Variants in EPHA3 observed in about 807,000 individuals in gnomAD.
The protein encoded by EPHA3 is ephrin type-A receptor 3.
A neutral mutation model predicts 107.1 loss-of-function variants in EPHA3; 42 were observed. That is an observed-to-expected ratio of 0.39 (90% CI 0.31 to 0.51). EPHA3 has a LOEUF of 0.51. EPHA3 is among the 20% of genes least tolerant of loss of function. The pLI is 0.78. For missense variants in EPHA3, 1,183 were observed against 1,211.2 expected (o/e 0.98, Z 0.35); for synonymous variants, 461 against 424.8 (o/e 1.09, Z -1.05).
At chr3:89,364,160 C>T (rs888273261) in intron 5 of EPHA3, among the ~76,000 whole-genome samples, 12 of 150,784 alleles carry the variant, frequency 8.0e-5, no homozygotes, top group African/African-American at 1.9e-4. Context: ...TTCCCTTTAC[C>T]GACCTTTGAG....
At chr3:89,354,019 AAG>A (rs1707890967) in intron 5 of EPHA3, among the ~76,000 whole-genome samples, 1 of 151,420 alleles carries the variant, frequency 6.6e-6, no homozygotes, top group African/African-American at 2.4e-5. Context: ...GTGTTAACTA[AAG>A]CACATGGAAA....
In EPHA3 at chr3:89,341,088, C is replaced by A; in HGVS notation, c.970+17C>A. On this transcript the variant is annotated intron_variant, in intron 4 of 16. Coordinates refer to ENST00000336596, the MANE Select transcript of EPHA3 (RefSeq NM_005233.6). ...CTTGTACCCGTGAGTAGTTTTGCTGCAACCCATGCCTCCATGTTTGTTTTG... is the reference window on the plus strand; with the variant it reads ...CTTGTACCCGTGAGTAGTTTTGCTGAAACCCATGCCTCCATGTTTGTTTTG... 6.2e-7 allele frequency: 1 copy of A among 1,607,450 alleles called. No individual in the cohort carries two copies. The highest frequency in any genetic ancestry group is 2.2e-5 in the East Asian group (1 of 44,760).
intron 3 of EPHA3, among the ~76,000 whole-genome samples, chr3:89,261,966 A>C (rs1219628796): frequency 6.6e-6 from 1 of 152,008 alleles, no homozygotes; most frequent in Non-Finnish European, 1.5e-5. Flanking sequence ...TAGCATTATT[A>C]GTAAAATATT....
chr3:89,424,809 G>A (rs1709424923), intron 11 of EPHA3, among the ~76,000 whole-genome samples: 1 of 151,288 alleles, frequency 6.6e-6, no homozygotes, highest in African/African-American at 2.4e-5. Flanking sequence ...CTAGCATAAT[G>A]GACAGTAAAT....
intron 3 of EPHA3, among the ~76,000 whole-genome samples, chr3:89,266,603 A>G (rs1705543834): frequency 1.3e-5 from 2 of 152,130 alleles, no homozygotes; most frequent in Non-Finnish European, 2.9e-5. Flanking sequence ...CCCTAAGAAT[A>G]TAACTTTTCT....
At chr3:89,366,480 GT>G (rs1708186115) in intron 5 of EPHA3, among the ~76,000 whole-genome samples, 1 of 150,824 alleles carries the variant, frequency 6.6e-6, no homozygotes, top group South Asian at 2.1e-4. Context: ...TATGCGGGTG[GT>G]TGTACAAAGT....
intron 2 of EPHA3, among the ~76,000 whole-genome samples, chr3:89,178,669 AATAAT>A (rs919257758): frequency 5.5e-4 from 84 of 152,066 alleles, no homozygotes; most frequent in Admixed American, 7.9e-4. Context: ...ATTAATTCTG[AATAAT>A]ATAATGTATT....
chr3:89,432,978 T>G (rs867696781), intron 13 of EPHA3, among the ~76,000 whole-genome samples: 1 of 152,120 alleles, frequency 6.6e-6, no homozygotes, highest in Non-Finnish European at 1.5e-5. Flanking sequence ...TTTAATTAAA[T>G]AAAGCACTAT....
At chr3:89,211,760 T>A (rs183638383) in intron 3 of EPHA3, among the ~76,000 whole-genome samples, 1 of 125,832 alleles carries the variant, frequency 7.9e-6, no homozygotes, top group Non-Finnish European at 1.6e-5. Flanking sequence ...TTCTTCTTCT[T>A]CTTCTTCTTC....
At chr3:89,110,418 G>A (rs1398662869) in intron 1 of EPHA3, among the ~76,000 whole-genome samples, 1 of 151,818 alleles carries the variant, frequency 6.6e-6, no homozygotes, top group Non-Finnish European at 1.5e-5. Context: ...TCCCTGATAA[G>A]AAAAATAACT....
intron 5 of EPHA3, among the ~76,000 whole-genome samples, chr3:89,389,426 T>G (rs1413318842): frequency 6.6e-6 from 1 of 152,224 alleles, no homozygotes; most frequent in East Asian, 1.9e-4. Context: ...GAGACAATTT[T>G]TAAAAGCTTT....
intron 3 of EPHA3, among the ~76,000 whole-genome samples, chr3:89,295,549 T>A (rs2107336907): frequency 6.6e-6 from 1 of 152,294 alleles, no homozygotes; most frequent in East Asian, 1.9e-4. Context: ...GTTTATCAAC[T>A]AAGTTTGTGT....
intron 5 of EPHA3, among the ~76,000 whole-genome samples, chr3:89,351,402 T>A (rs1707815397): frequency 6.6e-6 from 1 of 150,730 alleles, no homozygotes; most frequent in Non-Finnish European, 1.5e-5. Context: ...GTCACCCCTT[T>A]CTTTGACTCG....
At chr3:89,426,159 G>A (rs1384063812) in intron 11 of EPHA3, among the ~76,000 whole-genome samples, 1 of 151,688 alleles carries the variant, frequency 6.6e-6, no homozygotes, top group East Asian at 1.9e-4. Flanking sequence ...TTGTCTGGAG[G>A]AAGACGATCA....
At chr3:89,391,007 A>C (rs1192907411) in intron 5 of EPHA3, among the ~76,000 whole-genome samples, 1 of 151,866 alleles carries the variant, frequency 6.6e-6, no homozygotes, top group Non-Finnish European at 1.5e-5. Context: ...GCTGGTCTCG[A>C]ACTCCTGACT....
intron 5 of EPHA3, among the ~76,000 whole-genome samples, chr3:89,345,936 G>C (rs1331910527): frequency 6.8e-6 from 1 of 147,566 alleles, no homozygotes; most frequent in African/African-American, 2.5e-5. Flanking sequence ...TCCCTACAAA[G>C]GACGTGAACT....
chr3:89,209,735 C>T lies in EPHA3; in HGVS notation c.154-125C>T, dbSNP rs1156380321. 3 of 824,832 alleles carry T rather than the reference C, an allele frequency of 3.6e-6. No homozygotes were observed. In the Admixed American group the frequency reaches 1.1e-4, roughly 29 times the overall value. The allele number at this position is 824,832 out of a possible 1,614,324, so 51.1% of individuals were successfully genotyped here. On this transcript the variant is annotated intron_variant, in intron 2 of 16. Transcript: ENST00000336596. ...CAGAGAACCTTGCAAATAAAAACTA[C>T]AAACAAGAATGTTTTTAATGAGTAA...
At chr3:89,320,823 A>G (rs1373910971) in intron 3 of EPHA3, among the ~76,000 whole-genome samples, 3 of 152,032 alleles carry the variant, frequency 2.0e-5, no homozygotes, top group Non-Finnish European at 4.4e-5. Flanking sequence ...TACCCTATTC[A>G]TGTGATGAGT....
chr3:89,382,508 C>CAAAAAAA (rs575357952), intron 5 of EPHA3, among the ~76,000 whole-genome samples: 14 of 79,766 alleles, frequency 1.8e-4, no homozygotes, highest in African/African-American at 6.7e-4. Flanking sequence ...AATTCCATCT[C>CAAAAAAA]AAAAAAAAAA....
Sources: gnomAD v4.1 joint callset for allele counts (sites outside exome capture counted in the v4.1 genomes callset) on GRCh38, gnomAD v4.1.1 for gene constraint, MANE v1.5 for transcripts, NCBI Gene and HGNC (gene_info 2026-07-23, HGNC 2026-07-21) for gene names.